FAT3: variants seen among roughly 807,000 people sequenced by gnomAD.
The protein encoded by FAT3 is protocadherin Fat 3.
In FAT3, 95 loss-of-function variants were observed where a neutral mutation model predicts 310.2. The observed-to-expected ratio is 0.31, with a 90% CI of 0.26 to 0.36. The LOEUF (loss-of-function observed/expected upper bound fraction) is 0.36, where lower values mean the gene tolerates loss of function less well. Ranked by LOEUF, FAT3 falls within the 10% of genes least tolerant of loss-of-function variation. FAT3 has a pLI of 1.00. For missense variants in FAT3, 5,408 were observed against 5,715.6 expected, an observed-to-expected ratio of 0.95 and a Z score of 1.74; for synonymous variants, 2,314 against 2,192.9, an observed-to-expected ratio of 1.06 and a Z score of -1.54.
At chr11:92,442,104 TATATA>T (rs1404249311) in intron 2 of FAT3, among the ~76,000 whole-genome samples, 223 of 21,482 alleles carry the variant, frequency 0.01, 13 homozygotes, top group African/African-American at 0.02. Flanking sequence ...TATATATATA[TATATA>T]TATTTTTTTT....
chr11:92,328,218 A>G (rs917777391), intron 1 of FAT3, among the ~76,000 whole-genome samples: 1 of 151,900 alleles, frequency 6.6e-6, no homozygotes. Flanking sequence ...CCTCCTGTCA[A>G]CTCCTGCACT....
Position 92,449,087 on chromosome 11 carries a change from C to G in FAT3, c.3293-75547C>G, listed in dbSNP as rs1246800880. 2.6e-5 allele frequency among the ~76,000 whole-genome samples: 4 copies of G among 152,262 alleles called. No individual in the cohort carries two copies. The East Asian group carries it at 5.8e-4, about 22-fold the overall frequency. ...TGCTAAGAAGTTGCAGATGCCTTCT[C>G]ATTTACTCCTCACAATATCCTCATC... On this transcript the variant is annotated intron_variant, in intron 2 of 27. Coordinates refer to ENST00000525166, the MANE Select transcript of FAT3 (RefSeq NM_001367949.2).
intron 1 of FAT3, among the ~76,000 whole-genome samples, chr11:92,228,301 C>A (rs1010629573): frequency 6.6e-6 from 1 of 152,056 alleles, no homozygotes; most frequent in Admixed American, 6.6e-5. Flanking sequence ...TGGTCTCTGG[C>A]GGAGTCATTT....
At chr11:92,641,775 G>T (rs1300139899) in intron 3 of FAT3, among the ~76,000 whole-genome samples, 1 of 152,170 alleles carries the variant, frequency 6.6e-6, no homozygotes, top group Non-Finnish European at 1.5e-5. Flanking sequence ...TCTTTTGGGG[G>T]TACCCCCTGC....
chr11:92,610,977 C>G (rs1042546460), intron 3 of FAT3, among the ~76,000 whole-genome samples: 5 of 152,054 alleles, frequency 3.3e-5, no homozygotes, highest in African/African-American at 1.2e-4. Flanking sequence ...GAATTAAACC[C>G]AGTTTCTTTC....
At chr11:92,887,571 C>G (rs758716068) in intron 25 of FAT3, among the ~76,000 whole-genome samples, 1 of 152,166 alleles carries the variant, frequency 6.6e-6, no homozygotes, top group Non-Finnish European at 1.5e-5. Flanking sequence ...TTGAATCCCC[C>G]TTGTAATCAT....
chr11:92,807,415 C>G (rs1265238429), intron 12 of FAT3, among the ~76,000 whole-genome samples: 3 of 152,262 alleles, frequency 2.0e-5, no homozygotes, highest in South Asian at 2.1e-4. Flanking sequence ...TATGGGTACT[C>G]TGGACCACAG....
At chr11:92,862,746 T>G (rs2136335495) in intron 21 of FAT3, among the ~76,000 whole-genome samples, 1 of 152,322 alleles carries the variant, frequency 6.6e-6, no homozygotes, top group South Asian at 2.1e-4. Context: ...TTAATTACAT[T>G]TTGTAGTAAT....
chr11:92,489,929 G>A (rs1269115594), intron 2 of FAT3, among the ~76,000 whole-genome samples: 1 of 150,768 alleles, frequency 6.6e-6, no homozygotes, highest in East Asian at 2.0e-4. Context: ...AGCGAAAGAG[G>A]CAGCTCAGAA....
At chr11:92,236,146 A>G (rs1341118221) in intron 1 of FAT3, among the ~76,000 whole-genome samples, 2 of 152,224 alleles carry the variant, frequency 1.3e-5, no homozygotes, top group African/African-American at 4.8e-5. Flanking sequence ...ACTAAGTTAC[A>G]GTCAACACAC....
rs764657135 is a variant in FAT3 at position 92,801,625 on chromosome 11, A to G, written c.8612A>G (p.Asn2871Ser). 6.2e-7 allele frequency: 1 copy of G among 1,613,700 alleles called. No homozygotes were observed. Among genetic ancestry groups the G allele is most frequent in the South Asian group, 1.1e-5 (1 of 91,010 alleles). ...KVMEAFNIDS[N>S]TGWISTLKDL... ...ATGGAAGCATTCAATATTGACAGCA[A>G]CACGGGCTGGATCAGTACCTTGAAG... is the stretch of plus-strand genomic sequence containing the variant. Residue 2871 changes from asparagine to serine, a missense_variant, in exon 10 of 28, where the codon AAC becomes AGC. Physicochemically the swap from Asn to Ser is conservative, Grantham distance 46 (BLOSUM62 1). Transcript: ENST00000525166.
chr11:92,690,427 A>T (rs1943766759), intron 3 of FAT3, among the ~76,000 whole-genome samples: 1 of 152,214 alleles, frequency 6.6e-6, no homozygotes, highest in Non-Finnish European at 1.5e-5. Flanking sequence ...AGAAAATTTA[A>T]TAGCAGCACC....
At chr11:92,691,886 G>T (rs561445876) in intron 3 of FAT3, among the ~76,000 whole-genome samples, 2 of 152,180 alleles carry the variant, frequency 1.3e-5, no homozygotes, top group Admixed American at 1.3e-4. Context: ...TATATTCTTA[G>T]ACTATATGAT....
chr11:92,431,804 G>A (rs1950787843), intron 2 of FAT3, among the ~76,000 whole-genome samples: 1 of 152,078 alleles, frequency 6.6e-6, no homozygotes, highest in Admixed American at 6.5e-5. Context: ...AGATCAGATG[G>A]TTGTAGATAT....
At chr11:92,427,726 A>C (rs888455178) in intron 2 of FAT3, among the ~76,000 whole-genome samples, 1 of 152,132 alleles carries the variant, frequency 6.6e-6, no homozygotes, top group African/African-American at 2.4e-5. Flanking sequence ...AGCAGACTTG[A>C]TCATGGTGGA....
At chr11:92,635,617 A>G (rs946763652) in intron 3 of FAT3, among the ~76,000 whole-genome samples, 5 of 152,180 alleles carry the variant, frequency 3.3e-5, no homozygotes, top group Non-Finnish European at 5.9e-5. Context: ...CATTTGTTCA[A>G]CAGTTAAATT....
At chr11:92,661,407 G>C (rs1001785965) in intron 3 of FAT3, among the ~76,000 whole-genome samples, 1 of 152,176 alleles carries the variant, frequency 6.6e-6, no homozygotes, top group Non-Finnish European at 1.5e-5. Flanking sequence ...GCTCTGAGAG[G>C]AGATTCCATT....
intron 2 of FAT3, among the ~76,000 whole-genome samples, chr11:92,483,922 T>A (rs680887): frequency 0.64 from 96,792 of 152,102 alleles, 31,814 homozygotes; most frequent in East Asian, 0.81. Context: ...AATTACCAGG[T>A]CTGCCATAAT....
chr11:92,469,578 G>T (rs55857493), intron 2 of FAT3, among the ~76,000 whole-genome samples: 1 of 151,722 alleles, frequency 6.6e-6, no homozygotes, highest in East Asian at 1.9e-4. Context: ...GCAGTGGTGC[G>T]ATCTCGGCTC....
Sources: allele counts gnomAD v4.1 joint callset (sites outside exome capture counted in the v4.1 genomes callset), GRCh38; gene constraint gnomAD v4.1.1; transcripts MANE v1.5; gene names NCBI Gene and HGNC (gene_info 2026-07-23, HGNC 2026-07-21).